ATRNL1: variants seen among roughly 807,000 people sequenced by gnomAD.
The protein encoded by ATRNL1 is attractin like 1, also known as attractin-like protein 1.
A neutral mutation model predicts 182.7 loss-of-function variants in ATRNL1; 95 were observed. That is an observed-to-expected ratio of 0.52 (90% CI 0.44 to 0.62). The LOEUF (loss-of-function observed/expected upper bound fraction) is 0.62, where lower values mean the gene tolerates loss of function less well. ATRNL1 is among the 20% of genes least tolerant of loss of function. The pLI is 0.00. For synonymous variants in ATRNL1, 576 were observed against 568.3 expected (o/e 1.01, Z -0.19); for missense variants, 1,471 against 1,679.5 (o/e 0.88, Z 2.17).
chr10:115,236,161 C>G (rs1314777058), intron 9 of ATRNL1, among the ~76,000 whole-genome samples: 3 of 152,122 alleles, frequency 2.0e-5, no homozygotes, highest in African/African-American at 4.8e-5. Context: ...TGTCCCTGCC[C>G]TAGTGCTCGA....
chr10:115,105,808 A>G (rs1462640185), intron 1 of ATRNL1, among the ~76,000 whole-genome samples: 1 of 152,188 alleles, frequency 6.6e-6, no homozygotes, highest in Non-Finnish European at 1.5e-5. Flanking sequence ...CTCTGTCTGC[A>G]TTTCAGAAGA....
chr10:115,667,935 G>A (rs1398294053), intron 26 of ATRNL1, among the ~76,000 whole-genome samples: 1 of 152,086 alleles, frequency 6.6e-6, no homozygotes, highest in Non-Finnish European at 1.5e-5. Flanking sequence ...AAAGTGCTGG[G>A]ATTACAGGTG....
intron 10 of ATRNL1, among the ~76,000 whole-genome samples, chr10:115,258,226 C>A (rs527791247): frequency 6.6e-6 from 1 of 152,254 alleles, no homozygotes; most frequent in Admixed American, 6.5e-5. Context: ...TCCATTCTCC[C>A]CATCACTTTC....
In ATRNL1 at chr10:115,519,714, G is replaced by A. The variant is rs574431203; in HGVS notation, c.3716+390G>A. ...ATTTTGTTAATTGTGTGACATATTC[G>A]TTGTAGGTTCATAAAAAGGGCTCCA... On this transcript the variant is annotated intron_variant, in intron 25 of 28. Coordinates refer to ENST00000355044, the MANE Select transcript of ATRNL1 (RefSeq NM_207303.4). Among the ~76,000 whole-genome samples the A allele has an allele frequency of 2.2e-4, 34 of 152,176 alleles. No homozygotes were observed. The South Asian group carries it at 4.8e-3, about 21-fold the overall frequency.
At chr10:115,130,993 G>T (rs1236575544) in intron 5 of ATRNL1, among the ~76,000 whole-genome samples, 1 of 151,840 alleles carries the variant, frequency 6.6e-6, no homozygotes, top group Admixed American at 6.6e-5. Context: ...GCTTTATTTT[G>T]TGTAAGTCTT....
intron 15 of ATRNL1, among the ~76,000 whole-genome samples, chr10:115,293,275 A>G (rs1853007703): frequency 6.6e-6 from 1 of 152,036 alleles, no homozygotes; most frequent in Non-Finnish European, 1.5e-5. Context: ...CTTAGGCAGC[A>G]TATTGTTAGT....
At chr10:115,172,580 A>G (rs1326864474) in intron 8 of ATRNL1, among the ~76,000 whole-genome samples, 2 of 151,890 alleles carry the variant, frequency 1.3e-5, no homozygotes, top group East Asian at 1.9e-4. Context: ...TTCCAGTACA[A>G]TGAGTCCATA....
intron 5 of ATRNL1, among the ~76,000 whole-genome samples, chr10:115,131,193 T>C (rs1845216149): frequency 6.6e-6 from 1 of 152,108 alleles, no homozygotes; most frequent in African/African-American, 2.4e-5. Context: ...AGTTATATTA[T>C]CAGTAGTCTA....
At chr10:115,256,109 GT>G (rs1851119949) in intron 10 of ATRNL1, among the ~76,000 whole-genome samples, 1 of 152,034 alleles carries the variant, frequency 6.6e-6, no homozygotes, top group African/African-American at 2.4e-5. Context: ...TTTTTTTGTT[GT>G]GTCTCTACCA....
intron 18 of ATRNL1, among the ~76,000 whole-genome samples, chr10:115,324,798 T>C (rs556034776): frequency 3.6e-4 from 55 of 152,290 alleles, no homozygotes; most frequent in African/African-American, 1.3e-3. Flanking sequence ...CCAAGAATTA[T>C]ATCCTCTTGG....
chr10:115,259,810 C>T (rs1185210019), intron 10 of ATRNL1, among the ~76,000 whole-genome samples: 2 of 152,132 alleles, frequency 1.3e-5, no homozygotes, highest in Non-Finnish European at 2.9e-5. Flanking sequence ...AAGACATAGG[C>T]TTTCATTGCT....
chr10:115,786,315 C>T (rs143227878), intron 27 of ATRNL1, among the ~76,000 whole-genome samples: 1 of 152,202 alleles, frequency 6.6e-6, no homozygotes, highest in Non-Finnish European at 1.5e-5. Flanking sequence ...TAACCAATTA[C>T]CACAGACTAG....
intron 17 of ATRNL1, among the ~76,000 whole-genome samples, chr10:115,306,069 G>A (rs1853714088): frequency 6.6e-6 from 1 of 152,098 alleles, no homozygotes; most frequent in South Asian, 2.1e-4. Context: ...TTAGAATTAA[G>A]CTTATGTTGT....
At chr10:115,267,976 G>T (rs1851678354) in intron 12 of ATRNL1, among the ~76,000 whole-genome samples, 1 of 152,024 alleles carries the variant, frequency 6.6e-6, no homozygotes, top group South Asian at 2.1e-4. Context: ...GGCCAGGCTT[G>T]TCTTGAACTC....
chr10:115,448,579 C>A (rs1006556224), intron 21 of ATRNL1, among the ~76,000 whole-genome samples: 3 of 151,972 alleles, frequency 2.0e-5, no homozygotes, highest in Non-Finnish European at 4.4e-5. Context: ...TTAGAAAGAT[C>A]TCAAATTAAC....
intron 8 of ATRNL1, among the ~76,000 whole-genome samples, chr10:115,175,627 T>C (rs946412273): frequency 6.6e-6 from 1 of 152,164 alleles, no homozygotes; most frequent in Admixed American, 6.6e-5. Flanking sequence ...ATAAGAATAA[T>C]AGATAAACCA....
At chr10:115,101,180 C>A (rs1316082291) in intron 1 of ATRNL1, among the ~76,000 whole-genome samples, 1 of 151,796 alleles carries the variant, frequency 6.6e-6, no homozygotes, top group African/African-American at 2.4e-5. Flanking sequence ...ATATTTACTT[C>A]TTTCTTTACA....
At chr10:115,391,573 G>T (rs75140525) in intron 19 of ATRNL1, among the ~76,000 whole-genome samples, 4,690 of 152,086 alleles carry the variant, frequency 0.031, 227 homozygotes, top group African/African-American at 0.1. Flanking sequence ...GCTTGTGGGA[G>T]GGGTAATATG....
rs1851230898 is a variant in ATRNL1, at chr10:115,258,004, T to A, written c.1688-7189T>A. Among the ~76,000 whole-genome samples the A allele has an allele frequency of 2.0e-5, 3 of 152,342 alleles. No individual in the cohort carries two copies. In the South Asian group the frequency reaches 6.2e-4, roughly 32 times the overall value. ...TGTTCGTTTGATGGGCTTCCCTTTG[T>A]GGGTAACTTGACCTTTCTCTCTGGC... is the stretch of plus-strand genomic sequence containing the variant. On this transcript the variant is annotated intron_variant, in intron 10 of 28. Coordinates refer to ENST00000355044, the MANE Select transcript of ATRNL1 (RefSeq NM_207303.4).
Sources: allele counts gnomAD v4.1 joint callset (sites outside exome capture counted in the v4.1 genomes callset), GRCh38; gene constraint gnomAD v4.1.1; transcripts MANE v1.5; gene names NCBI Gene and HGNC (gene_info 2026-07-23, HGNC 2026-07-21).